Variants in STX18 observed in about 807,000 individuals in gnomAD.
STX18 encodes syntaxin-18.
In STX18, 40 loss-of-function variants were observed where a neutral mutation model predicts 50.1. That is an observed-to-expected ratio of 0.80 (90% confidence interval 0.62 to 1.04). The LOEUF is 1.04. Ranked by LOEUF, STX18 falls within the 50% of genes least tolerant of loss-of-function variation. The pLI, the probability that STX18 is intolerant of heterozygous loss-of-function variation, is 0.00. For synonymous variants in STX18, 158 were observed against 151.8 expected (o/e 1.04, Z -0.30); for missense variants, 410 against 415.8 (o/e 0.99, Z 0.12).
rs540418146 is a variant in STX18 at position 4,536,236 on chromosome 4, A to G, written c.168+5561T>C. 3.7e-4 allele frequency among the ~76,000 whole-genome samples: 56 copies of G among 152,370 alleles called. 1 individual carries two copies. The South Asian group carries it at 0.011, about 29-fold the overall frequency. On this transcript the variant is annotated intron_variant, in intron 1 of 10. Transcript: ENST00000306200. ...AATGAGCCTTGGACAGAGATCACCTAGCCCCAAAACTGAGAGAGACAGTAG... is the reference window on the plus strand; with the variant it reads ...AATGAGCCTTGGACAGAGATCACCTGGCCCCAAAACTGAGAGAGACAGTAG...
intron 1 of STX18, among the ~76,000 whole-genome samples, chr4:4,475,616 C>T (rs933099827): frequency 2.6e-5 from 4 of 152,142 alleles, no homozygotes; most frequent in Admixed American, 2.6e-4. Flanking sequence ...ACATGACTAC[C>T]ATTAACTTTA....
chr4:4,442,956 A>G (rs1469067801), intron 5 of STX18, among the ~76,000 whole-genome samples: 1 of 152,222 alleles, frequency 6.6e-6, no homozygotes, highest in African/African-American at 2.4e-5. Flanking sequence ...AAGATGATGC[A>G]TATTAACAAC....
At chr4:4,500,990 T>C (rs1385454422) in intron 1 of STX18, among the ~76,000 whole-genome samples, 1 of 152,134 alleles carries the variant, frequency 6.6e-6, no homozygotes. Flanking sequence ...TGAGCCGAGA[T>C]GGCGCCATTG....
chr4:4,489,803 ATAGT>A (rs1159034592), intron 1 of STX18, among the ~76,000 whole-genome samples: 2 of 152,190 alleles, frequency 1.3e-5, no homozygotes, highest in Non-Finnish European at 2.9e-5. Flanking sequence ...TAGAAAAATA[ATAGT>A]TAGGTCCTGA....
intron 1 of STX18, among the ~76,000 whole-genome samples, chr4:4,500,898 G>A (rs752172096): frequency 1.1e-4 from 16 of 152,192 alleles, no homozygotes; most frequent in South Asian, 2.1e-4. Flanking sequence ...TTAGCTGGGC[G>A]TGGTGGCGGG....
At chr4:4,449,196 G>A (rs1288771369) in intron 5 of STX18, among the ~76,000 whole-genome samples, 4 of 151,870 alleles carry the variant, frequency 2.6e-5, no homozygotes, top group Admixed American at 2.6e-4. Flanking sequence ...ACAGGTGCAT[G>A]TCACCACACC....
At chr4:4,427,192 A>G (rs1577311815) in intron 7 of STX18, among the ~76,000 whole-genome samples, 1 of 152,104 alleles carries the variant, frequency 6.6e-6, no homozygotes, top group African/African-American at 2.4e-5. Flanking sequence ...CTCAAAACAC[A>G]AGGAGGCATC....
At chr4:4,461,316 G>A (rs986129608) in intron 2 of STX18, among the ~76,000 whole-genome samples, 6 of 152,216 alleles carry the variant, frequency 3.9e-5, no homozygotes, top group African/African-American at 1.4e-4. Flanking sequence ...TTTGTTGCCA[G>A]GATATTGTGG....
At chr4:4,474,087 G>A (rs1196407784) in intron 1 of STX18, among the ~76,000 whole-genome samples, 1 of 151,978 alleles carries the variant, frequency 6.6e-6, no homozygotes, top group Non-Finnish European at 1.5e-5. Context: ...TCCCTGGAAC[G>A]CCCTACCCAT....
chr4:4,515,768 G>C (rs1235953385), intron 1 of STX18, among the ~76,000 whole-genome samples: 1 of 152,088 alleles, frequency 6.6e-6, no homozygotes, highest in Non-Finnish European at 1.5e-5. Context: ...ACATAAAAAA[G>C]AGTTATAGTC....
chr4:4,467,462 A>G (rs1727675474), intron 2 of STX18, among the ~76,000 whole-genome samples: 1 of 152,126 alleles, frequency 6.6e-6, no homozygotes, highest in East Asian at 1.9e-4. Flanking sequence ...TGGTTTCACT[A>G]CTGGCATACT....
At position 4,434,847 on chromosome 4, in the gene STX18, C is replaced by G. The variant is rs138608980; in HGVS notation, c.625G>C (p.Ala209Pro). Residue 209 changes from alanine (A) to proline (P), a missense_variant, in exon 7 of 11, where the codon GCT becomes CCT. By Grantham distance (27) the Ala-to-Pro change is conservative (BLOSUM62 -1). Transcript: ENST00000306200. ...ATEERPEKILAETQPELGTWG... is the reference protein window; with the variant it reads ...ATEERPEKILPETQPELGTWG... Reference sequence around the variant, plus strand: ...GTTCCCAATTCAGGTTGTGTTTCAGCCAAAATTTTTTCTGTTAAAAAAAAA... The same window carrying G: ...GTTCCCAATTCAGGTTGTGTTTCAGGCAAAATTTTTTCTGTTAAAAAAAAA... The G allele has an allele frequency of 6.3e-7, 1 of 1,598,038 alleles. No homozygotes were observed. The highest frequency in any genetic ancestry group is 8.5e-7 in the Non-Finnish European group (1 of 1,175,474).
In STX18 at chr4:4,420,377, C is replaced by T; in HGVS notation, c.913-248G>A. 4.0e-6 allele frequency: 2 copies of T among 500,506 alleles called. No individual in the cohort carries two copies. The highest frequency in any genetic ancestry group is 4.6e-5 in the South Asian group (2 of 43,616). The allele number at this position is 500,506 out of a possible 1,614,324, so 31.0% of individuals were successfully genotyped here. A position where few individuals can be genotyped will look rare whatever the true frequency, so the allele number is the denominator to read the frequency against. Reference sequence around the variant, plus strand: ...CCTCAACACAACTCTCGGAATCACTCCCTTCTGTCCCAGGGTTAAGGGCCC... The same window carrying T: ...CCTCAACACAACTCTCGGAATCACTTCCTTCTGTCCCAGGGTTAAGGGCCC... On this transcript the variant is annotated intron_variant, in intron 10 of 10. Transcript: ENST00000306200. This position sits in a 1 kb window ranked among gnomAD's most constrained non-coding sequence, Gnocchi z 4.3.
chr4:4,527,824 T>A (rs867600168), intron 1 of STX18, among the ~76,000 whole-genome samples: 15 of 105,886 alleles, frequency 1.4e-4, no homozygotes, highest in South Asian at 2.9e-4. Flanking sequence ...ATATATAATT[T>A]TATATATATA....
At position 4,420,503 on chromosome 4, in the gene STX18, A is replaced by G. The variant is rs1009117279; in HGVS notation, c.912+361T>C. 3 of 394,298 alleles carry G rather than the reference A, an allele frequency of 7.6e-6. No individual in the cohort carries two copies. The highest frequency in any genetic ancestry group is 1.4e-5 in the Non-Finnish European group (3 of 215,916). The allele number at this position is 394,298 out of a possible 1,614,324, so 24.4% of individuals were successfully genotyped here. On this transcript the variant is annotated intron_variant, in intron 10 of 10. Transcript: ENST00000306200. The surrounding 1 kb of genome is among the most constrained non-coding windows in gnomAD (Gnocchi z 4.3). Reference sequence around the variant, plus strand: ...CTTGGGAAACAGTCCCCTCAACAGGATGGCTGTAGTGTCCTCTGTAAGCAG... The same window carrying G: ...CTTGGGAAACAGTCCCCTCAACAGGGTGGCTGTAGTGTCCTCTGTAAGCAG...
intron 2 of STX18, among the ~76,000 whole-genome samples, chr4:4,467,424 T>C (rs976962272): frequency 8.5e-5 from 13 of 152,194 alleles, no homozygotes; most frequent in African/African-American, 2.9e-4. Context: ...CTGTCATAAC[T>C]TTCTCACTGT....
chr4:4,503,044 A>T (rs913504138), intron 1 of STX18, among the ~76,000 whole-genome samples: 6 of 152,142 alleles, frequency 3.9e-5, no homozygotes, highest in African/African-American at 1.4e-4. Flanking sequence ...AGGGCTCCCA[A>T]TTTTTTTCCA....
rs1243549661 is a variant in STX18 at position 4,541,881 on chromosome 4, G to A, written c.84C>T (p.Gly28=). The change falls in exon 1 of 11, where the codon GGC becomes GGT. Residue 28 remains glycine (G), a synonymous_variant. Coordinates refer to ENST00000306200, the MANE Select transcript of STX18 (RefSeq NM_016930.4). ...TRNKALGVAV[G]GGVDGSRDEL... is the part of the protein sequence containing the mutation. ...CGTCCCGGCTGCCATCGACCCCGCC[G>A]CCCACCGCCACTCCCAGCGCCTTGT... 1.1e-5 allele frequency: 17 copies of A among 1,602,532 alleles called. No individual in the cohort carries two copies. Among genetic ancestry groups the A allele is most frequent in the Non-Finnish European group, 1.4e-5 (17 of 1,172,840 alleles).
At chr4:4,435,593 C>T (rs962785048) in intron 6 of STX18, among the ~76,000 whole-genome samples, 8 of 152,116 alleles carry the variant, frequency 5.3e-5, no homozygotes, top group Non-Finnish European at 8.8e-5. Flanking sequence ...GATATTCCAT[C>T]GTGAGGATAC....
Sources: gnomAD v4.1 joint callset for allele counts (sites outside exome capture counted in the v4.1 genomes callset) on GRCh38, gnomAD v4.1.1 for gene constraint, Gnocchi (gnomAD v3.1) non-coding constraint, MANE v1.5 for transcripts, NCBI Gene and HGNC (gene_info 2026-07-23, HGNC 2026-07-21) for gene names.